TTLL8: variants seen among roughly 807,000 people sequenced by gnomAD.
TTLL8 encodes the protein tubulin tyrosine ligase like 8.
TTLL8 carries 65 observed loss-of-function variants against 77.8 expected under a neutral mutation model. The ratio of observed to expected loss-of-function variants is 0.84; its 90% CI spans 0.68 to 1.03. The LOEUF (loss-of-function observed/expected upper bound fraction) is 1.03, where lower values mean the gene tolerates loss of function less well. TTLL8 is among the 50% of genes least tolerant of loss of function. The probability of loss-of-function intolerance (pLI) is 0.00; values close to 1 mark genes in which losing one functional copy is unlikely to be tolerated. For missense variants in TTLL8, 910 were observed against 1,004.5 expected (o/e 0.91, Z 1.27); for synonymous variants, 402 against 422.8 (o/e 0.95, Z 0.60).
chr22:50,055,163 T>G (rs1234217373), upstream of TTLL8: 7 of 1,258,946 alleles, frequency 5.6e-6, no homozygotes, highest in African/African-American at 7.7e-5. Flanking sequence ...GATGGACAGA[T>G]TCCAAGTTCC....
At chr22:50,021,860 C>T (rs1386702418) in intron 12 of TTLL8, among the ~76,000 whole-genome samples, 2 of 149,424 alleles carry the variant, frequency 1.3e-5, no homozygotes, top group Non-Finnish European at 3.0e-5. Context: ...ATATGCACTC[C>T]TCCATCTGAT....
chr22:50,049,946 G>C (rs1221703976), intron 2 of TTLL8, 163 bp downstream of exon 4: 4 of 716,778 alleles, frequency 5.6e-6, no homozygotes, highest in African/African-American at 1.9e-5. Context: ...ACGACCGCCT[G>C]GGGCAGGGAG....
chr22:50,022,967 C>G (rs144708279), intron 12 of TTLL8, among the ~76,000 whole-genome samples: 1 of 151,060 alleles, frequency 6.6e-6, no homozygotes, highest in Non-Finnish European at 1.5e-5. Context: ...TTTACCAACA[C>G]GTCAGGACAG....
At chr22:50,029,741 A>G (rs2061272431) in intron 12 of TTLL8, among the ~76,000 whole-genome samples, 1 of 151,876 alleles carries the variant, frequency 6.6e-6, no homozygotes, top group Non-Finnish European at 1.5e-5. Context: ...AAAAAAACAA[A>G]AAAAACAAGA....
chr22:50,033,203 T>C, exon 10 of TTLL8: 2 of 1,347,004 alleles, frequency 1.5e-6, no homozygotes, highest in Non-Finnish European at 2.0e-6. Context: ...CGCACTGACC[T>C]GTCCAGCTTG....
In TTLL8 at chr22:50,027,847, T is replaced by TCGAGGGC; in HGVS notation, c.2203+2582_2203+2583insGCCCTCG. The TCGAGGGC allele has an allele frequency of 5.1e-6, 5 of 978,802 alleles. 1 individual carries two copies. The highest frequency in any genetic ancestry group is 9.5e-5 in the South Asian group (2 of 21,156). 60.6% of individuals were successfully genotyped at this position (978,802 alleles called of 1,614,324 possible). A position where few individuals can be genotyped will look rare whatever the true frequency, so the allele number is the denominator to read the frequency against. ...CCAGGAGTCTGGAAGCAAGCCCAGC[T>TCGAGGGC]CCTCCCGGCCGTGCCCTCGAGGGCC... On this transcript the variant is annotated intron_variant, in intron 12 of 13. Coordinates refer to ENST00000266182, the Ensembl canonical transcript of TTLL8.
upstream of TTLL8, chr22:50,055,295 G>T (rs769573615): frequency 2.3e-6 from 3 of 1,290,102 alleles, no homozygotes; most frequent in Non-Finnish European, 3.0e-6. Context: ...GGAGGAAGAA[G>T]CCAAGTCTTG....
chr22:50,050,345 G>T, intron 1 of TTLL8, 98 bp from the exon 4 acceptor site: 5 of 816,418 alleles, frequency 6.1e-6, no homozygotes, highest in Non-Finnish European at 8.7e-6. Context: ...TGGTTTCTGA[G>T]ATTTGGGGGC....
chr22:50,033,941 G>A (rs2061317191), intron 9 of TTLL8, among the ~76,000 whole-genome samples: 1 of 152,192 alleles, frequency 6.6e-6, no homozygotes, highest in African/African-American at 2.4e-5. Flanking sequence ...GCTAAGGCAG[G>A]AGAATTGCTT....
chr22:50,042,406 G>T (rs1293835290), intron 6 of TTLL8, among the ~76,000 whole-genome samples: 1 of 152,138 alleles, frequency 6.6e-6, no homozygotes, highest in African/African-American at 2.4e-5. Context: ...CGCCTCCTGG[G>T]TTCAAGTGAT....
intron 12 of TTLL8, among the ~76,000 whole-genome samples, chr22:50,026,475 G>A (rs916283820): frequency 6.7e-6 from 1 of 149,510 alleles, no homozygotes; most frequent in Non-Finnish European, 1.5e-5. Context: ...CCACCTCAGA[G>A]TGGAGGGTCA....
chr22:50,036,662 C>T (rs932144947), intron 8 of TTLL8, among the ~76,000 whole-genome samples: 1 of 151,454 alleles, frequency 6.6e-6, no homozygotes, highest in African/African-American at 2.4e-5. Context: ...TGCAGTGGCA[C>T]GATCTTGGCT....
chr22:50,025,944 C>T (rs541859471), intron 12 of TTLL8, among the ~76,000 whole-genome samples: 3 of 152,284 alleles, frequency 2.0e-5, no homozygotes, highest in South Asian at 2.1e-4. Flanking sequence ...GAGTGCAAAA[C>T]GCCACAACCA....
intron 12 of TTLL8, among the ~76,000 whole-genome samples, chr22:50,024,376 C>T (rs137884): frequency 0.25 from 38,485 of 151,938 alleles, 5,070 homozygotes; most frequent in Middle Eastern, 0.36. Flanking sequence ...CCGCCCGCCT[C>T]GGCCTCCCAG....
intron 8 of TTLL8, among the ~76,000 whole-genome samples, chr22:50,040,623 G>A (rs914627133): frequency 6.6e-6 from 1 of 152,196 alleles, no homozygotes; most frequent in African/African-American, 2.4e-5. Context: ...TCTTCCACCT[G>A]TACAAATATG....
At position 50,049,394 on chromosome 22, in the gene TTLL8, C is replaced by T; in HGVS notation, c.191-72G>A. 8 of 1,349,974 alleles carry T rather than the reference C, an allele frequency of 5.9e-6. No homozygotes were observed. The South Asian group carries it at 9.1e-5, about 15-fold the overall frequency. The allele number at this position is 1,349,974 out of a possible 1,614,324, so 83.6% of individuals were successfully genotyped here. On this transcript the variant is annotated intron_variant, in intron 2 of 13. Coordinates refer to ENST00000266182, the Ensembl canonical transcript of TTLL8. Reference sequence around the variant, plus strand: ...ACTTCCCGCACCGGGTCCGTTACCACAACCGCAGGCAGGACAGCGACTTTA... The same window carrying T: ...ACTTCCCGCACCGGGTCCGTTACCATAACCGCAGGCAGGACAGCGACTTTA...
intron 5 of TTLL8, 172 bp downstream of exon 7, chr22:50,045,684 C>G: frequency 3.4e-6 from 3 of 880,536 alleles, no homozygotes; most frequent in African/African-American, 1.8e-5. Flanking sequence ...ACTGCCCGCC[C>G]TCCCTCCCGG....
intron 6 of TTLL8, among the ~76,000 whole-genome samples, chr22:50,043,420 T>C (rs112288510): frequency 1.7e-3 from 129 of 76,218 alleles, no homozygotes; most frequent in Non-Finnish European, 1.8e-3. Context: ...GATGGATAGA[T>C]AGATAAACAG....
chr22:50,054,922 T>C (rs897903308), upstream of TTLL8, among the ~76,000 whole-genome samples: 2 of 152,070 alleles, frequency 1.3e-5, no homozygotes, highest in African/African-American at 4.8e-5. Context: ...TAGCTGGGCA[T>C]GGTGGCGTGC....
Sources: gnomAD v4.1 joint callset for allele counts (sites outside exome capture counted in the v4.1 genomes callset) on GRCh38, gnomAD v4.1.1 for gene constraint, MANE v1.5 for transcripts, NCBI Gene and HGNC (gene_info 2026-07-23, HGNC 2026-07-21) for gene names.